Variants in NCKAP5 observed in about 807,000 individuals in gnomAD.
NCKAP5 encodes the protein NCK associated protein 5.
NCKAP5 carries 92 observed loss-of-function variants against 167.0 expected under a neutral mutation model. The ratio of observed to expected loss-of-function variants is 0.55; its 90% CI spans 0.47 to 0.66. NCKAP5 has a LOEUF of 0.66. Among genes scored for constraint, NCKAP5 ranks in the 30% least tolerant of loss-of-function variants. The pLI, the probability that NCKAP5 is intolerant of heterozygous loss-of-function variation, is 0.00. For missense variants in NCKAP5, 2,378 were observed against 2,315.0 expected, an observed-to-expected ratio of 1.03 and a Z score of -0.56; for synonymous variants, 891 against 877.4, an observed-to-expected ratio of 1.02 and a Z score of -0.27.
At chr2:133,460,071 C>T (rs765756946) in intron 3 of NCKAP5, among the ~76,000 whole-genome samples, 2 of 152,160 alleles carry the variant, frequency 1.3e-5, no homozygotes, top group Non-Finnish European at 2.9e-5. Flanking sequence ...GTGACTAATG[C>T]TTAGTTTTAT....
At chr2:132,757,221 G>A (rs984621108) in intron 16 of NCKAP5, among the ~76,000 whole-genome samples, 6 of 152,146 alleles carry the variant, frequency 3.9e-5, no homozygotes, top group African/African-American at 9.7e-5. Flanking sequence ...CTGTACCAGC[G>A]ATAAGATGAT....
intron 4 of NCKAP5, among the ~76,000 whole-genome samples, chr2:133,222,842 A>G (rs757622507): frequency 7.2e-5 from 11 of 152,238 alleles, no homozygotes; most frequent in Non-Finnish European, 1.3e-4. Context: ...ATATATATTT[A>G]GCTATAATCC....
chr2:133,149,149 C>T (rs1412584638), intron 5 of NCKAP5, among the ~76,000 whole-genome samples: 6 of 152,160 alleles, frequency 3.9e-5, no homozygotes, highest in Non-Finnish European at 8.8e-5. Flanking sequence ...ATTAAGCCAA[C>T]CATTAGCCTT....
At chr2:132,779,367 A>G (rs1324682990) in intron 15 of NCKAP5, among the ~76,000 whole-genome samples, 5 of 152,228 alleles carry the variant, frequency 3.3e-5, no homozygotes, top group Non-Finnish European at 7.3e-5. Context: ...AGTTAAATTG[A>G]GTGCCTCTGA....
chr2:133,478,226 C>T (rs1680108411), intron 3 of NCKAP5, among the ~76,000 whole-genome samples: 1 of 152,180 alleles, frequency 6.6e-6, no homozygotes, highest in African/African-American at 2.4e-5. Flanking sequence ...GCCAGCAAGT[C>T]CACTGCCCTT....
At chr2:132,806,072 C>T (rs970592791) in intron 11 of NCKAP5, among the ~76,000 whole-genome samples, 1 of 152,112 alleles carries the variant, frequency 6.6e-6, no homozygotes, top group Non-Finnish European at 1.5e-5. Flanking sequence ...TAACAGTCTC[C>T]AATCTCATCC....
At chr2:133,506,675 G>T (rs1683040176) in intron 3 of NCKAP5, among the ~76,000 whole-genome samples, 1 of 152,112 alleles carries the variant, frequency 6.6e-6, no homozygotes, top group African/African-American at 2.4e-5. Flanking sequence ...AGGCCTAGTG[G>T]CAATGACTCC....
intron 3 of NCKAP5, among the ~76,000 whole-genome samples, chr2:133,321,241 C>T (rs1432828913): frequency 6.6e-6 from 1 of 152,158 alleles, no homozygotes; most frequent in Middle Eastern, 3.2e-3. Flanking sequence ...CCCCATCCCA[C>T]CCTCACCCAA....
At chr2:132,740,962 C>T (rs1056627236) in intron 16 of NCKAP5, among the ~76,000 whole-genome samples, 19 of 152,008 alleles carry the variant, frequency 1.2e-4, no homozygotes, top group Admixed American at 5.2e-4. Flanking sequence ...TCCAGTGACT[C>T]CAATATTCTT....
rs1270937620 is a variant in NCKAP5, at chr2:132,785,034, T to C, written c.1777A>G (p.Ile593Val). 2.5e-6 allele frequency: 4 copies of C among 1,614,046 alleles called. No individual in the cohort carries two copies. Among genetic ancestry groups the C allele is most frequent in the African/African-American group, 1.3e-5 (1 of 75,056 alleles). ...DDNETFDELH[I>V]ESSDEKSPSD... ...GGACTTTTCTCATCACTGCTCTCTA[T>C]GTGCAGCTCATCAAACGTTTCATTG... Residue 593 changes from isoleucine (I) to valine (V), a missense_variant, in exon 14 of 20, where the codon ATA (isoleucine) becomes GTA (valine). This residue lies in a region of NCKAP5 where 1,049 missense variants were observed against 1,023.4 expected (regional missense o/e 1.02). Transcript: ENST00000409261.
chr2:133,396,754 T>C (rs1687754571), intron 3 of NCKAP5, among the ~76,000 whole-genome samples: 4 of 152,210 alleles, frequency 2.6e-5, no homozygotes, highest in African/African-American at 9.6e-5. Context: ...GTTTAGGGGT[T>C]AGGATTTTAA....
intron 8 of NCKAP5, among the ~76,000 whole-genome samples, chr2:132,940,541 C>G (rs1204440385): frequency 3.3e-5 from 5 of 151,574 alleles, no homozygotes; most frequent in Non-Finnish European, 7.4e-5. Context: ...AACTGAATAA[C>G]AGTAAAAAAA....
intron 16 of NCKAP5, among the ~76,000 whole-genome samples, chr2:132,752,348 T>C (rs1680186061): frequency 6.6e-6 from 1 of 152,128 alleles, no homozygotes; most frequent in African/African-American, 2.4e-5. Context: ...TCAAAATGAG[T>C]TTTGAATTCA....
intron 6 of NCKAP5, among the ~76,000 whole-genome samples, chr2:133,079,996 G>A (rs2080748505): frequency 6.6e-6 from 1 of 152,068 alleles, no homozygotes; most frequent in Non-Finnish European, 1.5e-5. Flanking sequence ...CTTCCATAGA[G>A]ACCCAATACC....
chr2:133,612,841 T>G, the NCKAP5 span, among the ~76,000 whole-genome samples: 1 of 151,988 alleles, frequency 6.6e-6, no homozygotes, highest in Non-Finnish European at 1.5e-5. Flanking sequence ...TGTGAAGCCT[T>G]TATAACATTG....
At chr2:133,189,391 T>C (rs1241280354) in intron 5 of NCKAP5, among the ~76,000 whole-genome samples, 1 of 152,132 alleles carries the variant, frequency 6.6e-6, no homozygotes, top group Non-Finnish European at 1.5e-5. Flanking sequence ...CTGAAACTAT[T>C]CCAATCAATA....
intron 3 of NCKAP5, among the ~76,000 whole-genome samples, chr2:133,384,513 G>A (rs1184382374): frequency 1.3e-5 from 2 of 152,270 alleles, no homozygotes; most frequent in African/African-American, 2.4e-5. Flanking sequence ...TTGTTCTTCT[G>A]GCTTAGGACT....
At chr2:133,169,781 C>G (rs1379354310) in intron 5 of NCKAP5, among the ~76,000 whole-genome samples, 1 of 152,178 alleles carries the variant, frequency 6.6e-6, no homozygotes, top group Non-Finnish European at 1.5e-5. Flanking sequence ...TGCTTTTGCA[C>G]AGTTGAAGAA....
chr2:133,109,774 A>T (rs1385356759), intron 6 of NCKAP5, among the ~76,000 whole-genome samples: 1 of 151,352 alleles, frequency 6.6e-6, no homozygotes, highest in Non-Finnish European at 1.5e-5. Flanking sequence ...AAAAAAAAAA[A>T]CTTACGTAAA....
Sources: allele counts gnomAD v4.1 joint callset (sites outside exome capture counted in the v4.1 genomes callset), GRCh38; gene constraint gnomAD v4.1.1; regional missense constraint gnomAD v4.1.1; transcripts MANE v1.5; gene names NCBI Gene and HGNC (gene_info 2026-07-23, HGNC 2026-07-21).